Variants in LAMB2 observed in about 807,000 individuals in gnomAD.
LAMB2 encodes the protein laminin subunit beta 2.
In LAMB2, 119 loss-of-function variants were observed where a neutral mutation model predicts 202.7. That is an observed-to-expected ratio of 0.59 (90% CI 0.51 to 0.68). The LOEUF (loss-of-function observed/expected upper bound fraction) is 0.68, where lower values mean the gene tolerates loss of function less well. LAMB2 is among the 30% of genes least tolerant of loss of function. The pLI is 0.00. For missense variants in LAMB2, 2,124 were observed against 2,410.6 expected, an observed-to-expected ratio of 0.88 and a Z score of 2.49; for synonymous variants, 818 against 902.2, an observed-to-expected ratio of 0.91 and a Z score of 1.67.
In LAMB2 at chr3:49,131,407, G is replaced by C. The variant is rs560644735; in HGVS notation, c.684C>G (p.Ile228Met). ...IYRVLDPAIP[I>M]PDPYSSRIQN... is the part of the protein sequence containing the mutation. ...GAATCCGTGAGCTGTAGGGGTCTGGGATAGGGATGGCAGGGTCCAGCACAC... is the reference window on the plus strand; with the variant it reads ...GAATCCGTGAGCTGTAGGGGTCTGGCATAGGGATGGCAGGGTCCAGCACAC... The change falls in exon 6 of 32, where the codon ATC becomes ATG. Residue 228 changes from isoleucine to methionine, a missense_variant. Coordinates refer to ENST00000305544, the MANE Select transcript of LAMB2 (RefSeq NM_002292.4). The surrounding 1 kb of genome is among the most constrained non-coding windows in gnomAD (Gnocchi z 5.0). The C allele has an allele frequency of 3.7e-6, 6 of 1,614,068 alleles. No homozygotes were observed. Among genetic ancestry groups the C allele is most frequent in the Non-Finnish European group, 4.2e-6 (5 of 1,180,026 alleles).
In LAMB2 at chr3:49,129,469, C is replaced by T; in HGVS notation, c.1518+135G>A. The stretch of plus-strand genomic sequence containing the variant: ...GACCACTGGCCCACATCCTTGGCCT[C>T]CCAGACCTGAGGCTTCTCAGCCAGG... On this transcript the variant is annotated intron_variant, in intron 11 of 31. Transcript: ENST00000305544. This position sits in a 1 kb window ranked among gnomAD's most constrained non-coding sequence, Gnocchi z 6.1. 9.2e-7 allele frequency: 1 copy of T among 1,085,346 alleles called. No individual in the cohort carries two copies. Among genetic ancestry groups the T allele is most frequent in the South Asian group, 1.3e-5 (1 of 75,490 alleles). 67.2% of individuals were successfully genotyped at this position (1,085,346 alleles called of 1,614,324 possible).
In LAMB2 at chr3:49,123,057, C is replaced by G. The variant is rs372161777; in HGVS notation, c.4225-5G>C. On this transcript the variant is annotated splice_region_variant and splice_polypyrimidine_tract_variant and intron_variant, in intron 26 of 31. Transcript: ENST00000305544. The stretch of plus-strand genomic sequence containing the variant: ...ATCCCCTGGTGCCCCACACACCTGC[C>G]AGGCACAGAACAAGTCAGGGCCCTG... 7.3e-5 allele frequency: 118 copies of G among 1,606,802 alleles called. No individual in the cohort carries two copies. Among genetic ancestry groups the G allele is most frequent in the Non-Finnish European group, 9.7e-5 (114 of 1,179,994 alleles).
rs996995951 is a variant in LAMB2, at chr3:49,121,679, C to G, written c.5100+5G>C. ...CCTTCTCCAGCTGGCTCTGCCTCAA[C>G]CCACCTGCTCAGCCTCCTGGGCACG... On this transcript the variant is annotated splice_donor_5th_base_variant and intron_variant, in intron 30 of 31. Coordinates refer to ENST00000305544, the MANE Select transcript of LAMB2 (RefSeq NM_002292.4). 1 of 1,613,998 alleles carries G rather than the reference C, an allele frequency of 6.2e-7. No individual in the cohort carries two copies. The highest frequency in any genetic ancestry group is 1.3e-5 in the African/African-American group (1 of 74,942).
At chr3:49,121,917 C>G (rs1430865084) in intron 29 of LAMB2, 27 bp downstream of exon 29, 2 of 1,613,900 alleles carry the variant, frequency 1.2e-6, no homozygotes, top group Non-Finnish European at 8.5e-7. Context: ...ATAACCTTGT[C>G]CCACTGATGT....
At position 49,124,694 on chromosome 3, in the gene LAMB2, TACTC is replaced by T. The variant is rs933852281; in HGVS notation, c.3109+3_3109+6del. Reference sequence around the variant, plus strand: ...ATTCAGCCATGCCCTCCCACACTCATACTCACGGTGACAGCTCTGTCGGGCAGCC... The same window carrying T: ...ATTCAGCCATGCCCTCCCACACTCATACGGTGACAGCTCTGTCGGGCAGCC... On this transcript the variant is annotated splice_donor_5th_base_variant and intron_variant, in intron 21 of 31. Coordinates refer to ENST00000305544, the MANE Select transcript of LAMB2 (RefSeq NM_002292.4). The T allele has an allele frequency of 1.5e-5, 24 of 1,613,976 alleles. No individual in the cohort carries two copies. The highest frequency in any genetic ancestry group is 4.5e-5 in the East Asian group (2 of 44,890).
rs748872902 is a variant in LAMB2 at position 49,123,742 on chromosome 3, G to A, written c.3783C>T (p.Ala1261=). The A allele has an allele frequency of 1.2e-6, 2 of 1,613,440 alleles. No homozygotes were observed. Among genetic ancestry groups the A allele is most frequent in the Middle Eastern group, 1.6e-4 (1 of 6,062 alleles). ...CCCTTCCGCACCGCAGCTCCTCTGT[G>A]GCCTCCACAAGCTGTGCAGTGGAGG... ...SAASTAQLVE[A]TEELRREIGE... Residue 1261 remains alanine (A), a synonymous_variant, in exon 24 of 32, where the codon GCC becomes GCT. Coordinates refer to ENST00000305544, the MANE Select transcript of LAMB2 (RefSeq NM_002292.4).
chr3:49,123,914 A>G lies in LAMB2; in HGVS notation c.3611T>C (p.Leu1204Ser), dbSNP rs1560072173. The G allele has an allele frequency of 2.5e-6, 4 of 1,613,342 alleles. No individual in the cohort carries two copies. Among genetic ancestry groups the G allele is most frequent in the Non-Finnish European group, 3.4e-6 (4 of 1,180,030 alleles). Reference protein sequence around the residue: ...FGDWDRVVQDLAARTQRLEQR... With the variant: ...FGDWDRVVQDSAARTQRLEQR... Reference sequence around the variant, plus strand: ...CTCTAGGCGCTGTGTACGGGCTGCCAAGTCCTGCACCACTCGGTCCCAATC... The same window carrying G: ...CTCTAGGCGCTGTGTACGGGCTGCCGAGTCCTGCACCACTCGGTCCCAATC... The change falls in exon 24 of 32, where the codon TTG becomes TCG. Residue 1204 changes from leucine (L) to serine (S), a missense_variant. This residue lies in a region of LAMB2 where 1,702 missense variants were observed against 1,896.3 expected (regional missense o/e 0.90). Transcript: ENST00000305544.
At position 49,128,667 on chromosome 3, in the gene LAMB2, C is replaced by A. The variant is rs760884039; in HGVS notation, c.1884G>T (p.Glu628Asp). Residue 628 changes from glutamate to aspartate, a missense_variant, in exon 14 of 32, where the codon GAG becomes GAT. Around this residue, in one of 3 missense-constraint regions of LAMB2, gnomAD observed 1,702 missense variants for 1,896.3 expected, o/e 0.90. Coordinates refer to ENST00000305544, the MANE Select transcript of LAMB2 (RefSeq NM_002292.4). Reference sequence around the variant, plus strand: ...TTAGATAACAGGGTCTAACCTGGGGCTCTAAGCGCAGCAGCAGGTCATAGT... The same window carrying A: ...TTAGATAACAGGGTCTAACCTGGGGATCTAAGCGCAGCAGCAGGTCATAGT... ...AMDYDLLLRL[E>D]PQVPEQWAEL... 6.2e-7 allele frequency: 1 copy of A among 1,614,182 alleles called. No homozygotes were observed. The highest frequency in any genetic ancestry group is 8.5e-7 in the Non-Finnish European group (1 of 1,180,036).
rs1460897538 is a variant in LAMB2, at chr3:49,121,184, T to C, written c.*42A>G. 1.9e-6 allele frequency: 3 copies of C among 1,610,526 alleles called. No individual in the cohort carries two copies. The highest frequency in any genetic ancestry group is 1.7e-6 in the Non-Finnish European group (2 of 1,179,016). On this transcript the variant is annotated 3_prime_UTR_variant, in exon 32 of 32. Coordinates refer to ENST00000305544, the MANE Select transcript of LAMB2 (RefSeq NM_002292.4). ...TCTTCAGTGCATAGGCAGACATGCA[T>C]GTGGGGCAGTGCTAGGAACTGGGGT...
Position 49,129,138 on chromosome 3 carries a change from G to T in LAMB2, c.1613C>A (p.Thr538Lys). 6.2e-7 allele frequency: 1 copy of T among 1,614,064 alleles called. No homozygotes were observed. Among genetic ancestry groups the T allele is most frequent in the Non-Finnish European group, 8.5e-7 (1 of 1,180,038 alleles). The change falls in exon 13 of 32, where the codon ACA (threonine) becomes AAA (lysine). Residue 538 changes from threonine (T) to lysine (K), a missense_variant. Thr to Lys is a moderately conservative substitution (Grantham distance 78, BLOSUM62 -1). This residue lies in a region of LAMB2 where 1,702 missense variants were observed against 1,896.3 expected (regional missense o/e 0.90). Transcript: ENST00000305544. The surrounding 1 kb of genome is among the most constrained non-coding windows in gnomAD (Gnocchi z 6.1). The part of the protein sequence containing the change: ...GALDPQCDEG[T>K]GQCHCRQHMV... ...GTGCTGGCGGCAGTGGCATTGACCT[G>T]TGCCCTCATCACACCTGGAGGGAAC...
Position 49,126,166 on chromosome 3 carries a change from G to T in LAMB2, c.2152-7C>A. On this transcript the variant is annotated splice_polypyrimidine_tract_variant and splice_region_variant and intron_variant, in intron 16 of 31. Transcript: ENST00000305544. Reference sequence around the variant, plus strand: ...CACGGGGCAGCAGCACCAGCTGAAGGAGTGAGCAAGGAAGATCGCAGTTCA... The same window carrying T: ...CACGGGGCAGCAGCACCAGCTGAAGTAGTGAGCAAGGAAGATCGCAGTTCA... The T allele has an allele frequency of 6.2e-7, 1 of 1,611,596 alleles. No homozygotes were observed. Among genetic ancestry groups the T allele is most frequent in the South Asian group, 1.1e-5 (1 of 91,056 alleles).
At position 49,132,868 on chromosome 3, in the gene LAMB2, C is replaced by T. The variant is rs768461417; in HGVS notation, c.-1G>A. 9 of 1,613,832 alleles carry T rather than the reference C, an allele frequency of 5.6e-6. No individual in the cohort carries two copies. The African/African-American group carries it at 1.1e-4, about 19-fold the overall frequency. On this transcript the variant is annotated 5_prime_UTR_variant, in exon 1 of 32. Transcript: ENST00000305544. This position sits in a 1 kb window ranked among gnomAD's most constrained non-coding sequence, Gnocchi z 4.6. ...CTCTTTCCCTTGAGGTCAGCTCCAT[C>T]CTGAAGAGGGGAACAGGGATAAGGG...
At position 49,130,990 on chromosome 3, in the gene LAMB2, C is replaced by T. The variant is rs754039959; in HGVS notation, c.875G>A (p.Cys292Tyr). 2 of 1,614,064 alleles carry T rather than the reference C, an allele frequency of 1.2e-6. No individual in the cohort carries two copies. The highest frequency in any genetic ancestry group is 1.7e-6 in the Non-Finnish European group (2 of 1,180,038). Residue 292 changes from cysteine to tyrosine, a missense_variant, in exon 7 of 32, where the codon TGT becomes TAT. Transcript: ENST00000305544. This position sits in a 1 kb window ranked among gnomAD's most constrained non-coding sequence, Gnocchi z 5.0. ...GGCTGGTGCCCCTGGGGCGGGTGCA[C>T]ACTCTGAGGCGTGTCCGTAGCAGAA... ...NCFCYGHASE[C>Y]APAPGAPAHA...
Position 49,122,745 on chromosome 3 carries a change from TC to T in LAMB2, c.4531del (p.Glu1511AsnfsTer9), listed in dbSNP as rs2045354055. ...CACACTCTGGATAAGTTCTTGAAGT[TC>T]CTGGTTGGCCTGTTCCACCTGTCCC... ...SRGQVEQANQ[E>X]LQELIQSVKD... On this transcript the variant is annotated frameshift_variant, in exon 27 of 32. Transcript: ENST00000305544. LOFTEE classifies it high-confidence loss of function. 1 of 1,614,034 alleles carries T rather than the reference TC, an allele frequency of 6.2e-7. No homozygotes were observed. Among genetic ancestry groups the T allele is most frequent in the African/African-American group, 1.3e-5 (1 of 74,916 alleles).
chr3:49,124,008 A>C lies in LAMB2; in HGVS notation c.3517T>G (p.Cys1173Gly), dbSNP rs2045382518. 6.2e-7 allele frequency: 1 copy of C among 1,613,588 alleles called. No individual in the cohort carries two copies. Among genetic ancestry groups the C allele is most frequent in the South Asian group, 1.1e-5 (1 of 91,088 alleles). The change falls in exon 24 of 32, where the codon TGT becomes GGT. Residue 1173 changes from cysteine to glycine, a missense_variant. By Grantham distance (159) the Cys-to-Gly change is radical. Transcript: ENST00000305544. The part of the protein sequence containing the change: ...SCRPGVSGVR[C>G]DQCARGFSGI... ...GAGAAGCCACGGGCACACTGGTCACAGCGCACACCAGACACCCCTGGGCGG... is the reference window on the plus strand; with the variant it reads ...GAGAAGCCACGGGCACACTGGTCACCGCGCACACCAGACACCCCTGGGCGG...
rs755208357 is a variant in LAMB2, at chr3:49,128,479, C to A, written c.1997G>T (p.Gly666Val). 3.7e-6 allele frequency: 6 copies of A among 1,614,058 alleles called. No individual in the cohort carries two copies. Among genetic ancestry groups the A allele is most frequent in the Non-Finnish European group, 4.2e-6 (5 of 1,180,022 alleles). ...HLVPKDDRIQGTLQPHARYLI... is the reference protein window; with the variant it reads ...HLVPKDDRIQVTLQPHARYLI... ...TCACCTGGCATGTGGTTGCAGAGTC[C>A]CTTGGATGCGATCATCCTTGGGCAC... The change falls in exon 15 of 32, where the codon GGG becomes GTG. Residue 666 changes from glycine (G) to valine (V), a missense_variant. Physicochemically the swap from Gly to Val is moderately radical, Grantham distance 109 (BLOSUM62 -3). Transcript: ENST00000305544.
chr3:49,130,803 G>A lies in LAMB2; in HGVS notation c.973C>T (p.Gln325Ter). The A allele has an allele frequency of 6.2e-7, 1 of 1,614,194 alleles. No homozygotes were observed. Among genetic ancestry groups the A allele is most frequent in the Non-Finnish European group, 8.5e-7 (1 of 1,180,036 alleles). Reference protein sequence around the residue: ...NTRGLNCEQCQDFYRDLPWRP... With the variant: ...NTRGLNCEQC ...CAGGGCAGGTCACGATAGAAATCCT[G>A]ACACTGCTCGCAGTTGAGGCCACGT... is the stretch of plus-strand genomic sequence containing the variant. The change falls in exon 8 of 32, where the codon CAG becomes TAG. Residue 325 changes from glutamine to a stop codon, truncating the protein, a stop_gained. Transcript: ENST00000305544. LOFTEE classifies it high-confidence loss of function. The surrounding 1 kb of genome is among the most constrained non-coding windows in gnomAD (Gnocchi z 5.0).
chr3:49,122,591 T>C, intron 27 of LAMB2, 113 bp downstream of exon 27: 2 of 1,034,640 alleles, frequency 1.9e-6, no homozygotes, highest in South Asian at 2.5e-5. Flanking sequence ...CAAGGGATCA[T>C]AAACACTAAT....
rs375968729 is a variant in LAMB2 at position 49,125,387 on chromosome 3, G to A, written c.2586C>T (p.Asp862=). Residue 862 remains aspartate, a synonymous_variant, in exon 19 of 32, where the codon GAC becomes GAT. Transcript: ENST00000305544. ...CRTGAFGLRC[D]RCQRGQWGFP... ...ATCCCCACTGGCCACGCTGGCAGCG[G>A]TCACAGCGAAGCCCAAAGGCACCAG... 5.6e-6 allele frequency: 9 copies of A among 1,613,964 alleles called. No individual in the cohort carries two copies. Among genetic ancestry groups the A allele is most frequent in the East Asian group, 2.2e-5 (1 of 44,894 alleles).
Sources: gnomAD v4.1 joint callset for allele counts on GRCh38, gnomAD v4.1.1 for gene constraint, gnomAD v4.1.1 regional missense constraint, Gnocchi (gnomAD v3.1) non-coding constraint, MANE v1.5 for transcripts, NCBI Gene and HGNC (gene_info 2026-07-23, HGNC 2026-07-21) for gene names.